Variants in GPC6 observed in about 807,000 individuals in gnomAD.
GPC6 encodes glypican-6.
Under a neutral mutation model 55.2 loss-of-function variants are expected in GPC6, and 14 were observed. The ratio of observed to expected loss-of-function variants is 0.25; its 90% confidence interval spans 0.17 to 0.40. The LOEUF (loss-of-function observed/expected upper bound fraction) is 0.40. Ranked by LOEUF, GPC6 falls within the 10% of genes least tolerant of loss-of-function variation. The pLI, the probability that GPC6 is intolerant of heterozygous loss-of-function variation, is 1.00. For missense variants in GPC6, 641 were observed against 708.5 expected, an observed-to-expected ratio of 0.90 and a Z score of 1.08; for synonymous variants, 278 against 259.6, an observed-to-expected ratio of 1.07 and a Z score of -0.68.
At chr13:93,715,084 G>T (rs144778194) in intron 2 of GPC6, among the ~76,000 whole-genome samples, 3 of 151,614 alleles carry the variant, frequency 2.0e-5, no homozygotes, top group African/African-American at 7.2e-5. Context: ...TTATCAGTGC[G>T]GTCTTGTGAC....
chr13:94,253,734 A>G (rs1261007119), intron 4 of GPC6, among the ~76,000 whole-genome samples: 1 of 152,012 alleles, frequency 6.6e-6, no homozygotes, highest in African/African-American at 2.4e-5. Flanking sequence ...TACAAAAGAA[A>G]CCCAAGACTA....
intron 2 of GPC6, among the ~76,000 whole-genome samples, chr13:93,625,208 A>T (rs1879152380): frequency 6.6e-6 from 1 of 152,180 alleles, no homozygotes; most frequent in Non-Finnish European, 1.5e-5. Flanking sequence ...AAAAGGATGT[A>T]TAGTATTTCT....
At chr13:94,061,777 G>A (rs1025233866) in intron 4 of GPC6, among the ~76,000 whole-genome samples, 1 of 151,068 alleles carries the variant, frequency 6.6e-6, no homozygotes, top group Non-Finnish European at 1.5e-5. Context: ...ATCCATCGGG[G>A]AGAGTCAGCC....
chr13:93,587,222 A>G (rs1877246532), intron 2 of GPC6, among the ~76,000 whole-genome samples: 1 of 151,746 alleles, frequency 6.6e-6, no homozygotes, highest in Non-Finnish European at 1.5e-5. Context: ...TTATTTAGGG[A>G]TATTATTTAC....
intron 1 of GPC6, among the ~76,000 whole-genome samples, chr13:93,409,782 G>C (rs764421767): frequency 6.6e-6 from 1 of 152,176 alleles, no homozygotes; most frequent in Non-Finnish European, 1.5e-5. Context: ...TTCAATTAAG[G>C]GGCGGGAATA....
intron 4 of GPC6, among the ~76,000 whole-genome samples, chr13:94,240,308 G>T (rs1382433713): frequency 1.1e-4 from 17 of 152,060 alleles, no homozygotes; most frequent in African/African-American, 4.1e-4. Context: ...TGCCTCCTCA[G>T]AATCAAACAC....
At chr13:93,408,603 A>G (rs1251100284) in intron 1 of GPC6, among the ~76,000 whole-genome samples, 1 of 152,188 alleles carries the variant, frequency 6.6e-6, no homozygotes, top group Non-Finnish European at 1.5e-5. Context: ...GGAAATTGAC[A>G]GTAGCATGAT....
At chr13:93,669,293 T>G (rs1383149958) in intron 2 of GPC6, among the ~76,000 whole-genome samples, 2 of 152,224 alleles carry the variant, frequency 1.3e-5, no homozygotes, top group Non-Finnish European at 2.9e-5. Flanking sequence ...ATCTGGCATC[T>G]CTTGTGATTT....
chr13:93,904,895 T>G (rs1325532074), intron 3 of GPC6, among the ~76,000 whole-genome samples: 1 of 151,664 alleles, frequency 6.6e-6, no homozygotes, highest in East Asian at 1.9e-4. Flanking sequence ...CATCTAGCAT[T>G]AGGTATATCT....
In GPC6 at chr13:93,413,170, G is replaced by T. The variant is rs147986168; in HGVS notation, c.161-132093G>T. On this transcript the variant is annotated intron_variant, in intron 1 of 8. Coordinates refer to ENST00000377047, the MANE Select transcript of GPC6 (RefSeq NM_005708.5). ...ATTTACATAGAAAACCATTAGTGTT[G>T]ATTTGTTCAGACAGCAGTATGAGAG... 1.2e-3 allele frequency among the ~76,000 whole-genome samples: 187 copies of T among 152,256 alleles called. 2 individuals carry two copies. The highest frequency in any genetic ancestry group is 4.4e-3 in the African/African-American group (181 of 41,556).
chr13:93,711,650 CT>C (rs1261452752), intron 2 of GPC6, among the ~76,000 whole-genome samples: 3 of 151,490 alleles, frequency 2.0e-5, no homozygotes, highest in Admixed American at 6.6e-5. Context: ...TCTAATACAC[CT>C]TTTATTCTAG....
At chr13:93,959,926 T>A (rs1879690003) in intron 3 of GPC6, among the ~76,000 whole-genome samples, 1 of 152,210 alleles carries the variant, frequency 6.6e-6, no homozygotes, top group African/African-American at 2.4e-5. Flanking sequence ...CCAATTTCCT[T>A]TCTGCCTCTA....
chr13:93,588,931 C>T (rs1347462330), intron 2 of GPC6, among the ~76,000 whole-genome samples: 3 of 152,098 alleles, frequency 2.0e-5, no homozygotes, highest in Non-Finnish European at 4.4e-5. Flanking sequence ...AACCAGAAGC[C>T]TTCTGTACCT....
intron 3 of GPC6, among the ~76,000 whole-genome samples, chr13:93,933,343 C>A (rs1878278795): frequency 6.6e-6 from 1 of 152,128 alleles, no homozygotes; most frequent in African/African-American, 2.4e-5. Flanking sequence ...TAGGCTCCTA[C>A]AACAGAGAAT....
chr13:94,215,474 G>A (rs1890199495), intron 4 of GPC6, among the ~76,000 whole-genome samples: 1 of 152,052 alleles, frequency 6.6e-6, no homozygotes, highest in Admixed American at 6.6e-5. Flanking sequence ...TACATATGAA[G>A]CAAAAGGAAA....
intron 6 of GPC6, among the ~76,000 whole-genome samples, chr13:94,361,008 TAGTG>T (rs1879035909): frequency 6.6e-6 from 1 of 152,222 alleles, no homozygotes; most frequent in South Asian, 2.1e-4. Flanking sequence ...GCCAGCCACT[TAGTG>T]AGGATTTGAT....
At chr13:93,898,397 T>C (rs1876143808) in intron 3 of GPC6, among the ~76,000 whole-genome samples, 2 of 152,002 alleles carry the variant, frequency 1.3e-5, no homozygotes, top group South Asian at 2.1e-4. Flanking sequence ...TGCCATGCCA[T>C]AGGGAAGTAT....
intron 1 of GPC6, among the ~76,000 whole-genome samples, chr13:93,400,824 T>A (rs1876043219): frequency 6.6e-6 from 1 of 152,062 alleles, no homozygotes; most frequent in Admixed American, 6.5e-5. Context: ...TGAAATACTC[T>A]AAGAGGGGTT....
chr13:94,345,553 A>T (rs1051860261), intron 6 of GPC6, among the ~76,000 whole-genome samples: 2 of 152,138 alleles, frequency 1.3e-5, no homozygotes, highest in African/African-American at 4.8e-5. Flanking sequence ...CAGAGTTACG[A>T]TCCTTCTCTA....
Sources: allele counts gnomAD v4.1 joint callset (sites outside exome capture counted in the v4.1 genomes callset), GRCh38; gene constraint gnomAD v4.1.1; transcripts MANE v1.5; gene names NCBI Gene and HGNC (gene_info 2026-07-23, HGNC 2026-07-21).